Variants in WNT7A observed in about 807,000 individuals in gnomAD.
The protein encoded by WNT7A is protein Wnt-7a.
In WNT7A, 16 loss-of-function variants were observed where a neutral mutation model predicts 28.2. The ratio of observed to expected loss-of-function variants is 0.57; its 90% CI spans 0.38 to 0.86. WNT7A has a LOEUF of 0.86. Ranked by LOEUF, WNT7A falls within the 40% of genes least tolerant of loss-of-function variation. The pLI is 0.00. For missense variants in WNT7A, 411 were observed against 489.7 expected (o/e 0.84, Z 1.52); for synonymous variants, 190 against 195.9 (o/e 0.97, Z 0.25).
At chr3:13,862,545 C>G (rs889806219) in intron 2 of WNT7A, among the ~76,000 whole-genome samples, 24 of 152,242 alleles carry the variant, frequency 1.6e-4, no homozygotes. Flanking sequence ...GTTGCGCTTG[C>G]CAGCCCCGTG....
chr3:13,860,736 C>T (rs1694815681), intron 2 of WNT7A, among the ~76,000 whole-genome samples: 1 of 152,178 alleles, frequency 6.6e-6, no homozygotes. Flanking sequence ...GCTCCGAGAA[C>T]AGCCCTTCTC....
chr3:13,822,880 C>T (rs1403699704), intron 3 of WNT7A, among the ~76,000 whole-genome samples: 1 of 152,210 alleles, frequency 6.6e-6, no homozygotes, highest in Non-Finnish European at 1.5e-5. Flanking sequence ...CAGAAAATGG[C>T]TCCTGTGTCC....
chr3:13,835,144 C>T lies in WNT7A; in HGVS notation c.571-15721G>A, dbSNP rs182543095. Among the ~76,000 whole-genome samples the T allele has an allele frequency of 3.8e-3, 572 of 152,260 alleles. 10 individuals are homozygous for T. The highest frequency in any genetic ancestry group is 0.034 in the Admixed American group (515 of 15,292). ...AAGGAAGCAGGGAGCAGTCAGGAAA[C>T]AGGAAGGAGGGCAGTGGGCCAGGCT... is the stretch of plus-strand genomic sequence containing the variant. On this transcript the variant is annotated intron_variant, in intron 3 of 3. Transcript: ENST00000285018.
intron 2 of WNT7A, among the ~76,000 whole-genome samples, chr3:13,867,648 G>A (rs1050917655): frequency 6.6e-6 from 1 of 152,064 alleles, no homozygotes; most frequent in Non-Finnish European, 1.5e-5. Flanking sequence ...TCACCCTGAG[G>A]AGCCCACTCA....
At chr3:13,854,442 C>T (rs1694692475) in intron 3 of WNT7A, 90 bp downstream of exon 3, 2 of 1,601,844 alleles carry the variant, frequency 1.2e-6, no homozygotes, top group African/African-American at 1.3e-5. Context: ...CCTGTGGCTC[C>T]TCAACAGACA....
At chr3:13,834,660 G>C (rs1189502825) in intron 3 of WNT7A, among the ~76,000 whole-genome samples, 1 of 152,012 alleles carries the variant, frequency 6.6e-6, no homozygotes, top group Non-Finnish European at 1.5e-5. Flanking sequence ...TTCTGCCTTG[G>C]GGTACTCTTC....
At chr3:13,868,953 T>TGGAA (rs149196531) in intron 2 of WNT7A, among the ~76,000 whole-genome samples, 2 of 67,732 alleles carry the variant, frequency 3.0e-5, no homozygotes, top group Admixed American at 1.8e-4. Flanking sequence ...AGAGAGAGAA[T>TGGAA]GGAAGGAAGG....
At chr3:13,857,442 C>T (rs1694763617) in intron 2 of WNT7A, among the ~76,000 whole-genome samples, 2 of 152,128 alleles carry the variant, frequency 1.3e-5, no homozygotes, top group Admixed American at 1.3e-4. Flanking sequence ...CACCCTCCAG[C>T]AAAGCTAGAC....
At chr3:13,853,399 C>T (rs1252888797) in intron 3 of WNT7A, among the ~76,000 whole-genome samples, 3 of 152,214 alleles carry the variant, frequency 2.0e-5, no homozygotes, top group African/African-American at 4.8e-5. Context: ...CAAGGCTGCA[C>T]TCTTCGGCCC....
chr3:13,836,248 C>A (rs898818548), intron 3 of WNT7A, among the ~76,000 whole-genome samples: 1 of 151,840 alleles, frequency 6.6e-6, no homozygotes, highest in Non-Finnish European at 1.5e-5. Context: ...GGCCAGTGTC[C>A]CTAGGAACTT....
At chr3:13,852,188 C>A (rs1575067944) in intron 3 of WNT7A, among the ~76,000 whole-genome samples, 1 of 152,250 alleles carries the variant, frequency 6.6e-6, no homozygotes, top group African/African-American at 2.4e-5. Flanking sequence ...CTGCAGAAGC[C>A]ACATGGTGCA....
chr3:13,868,396 G>A (rs1388507702), intron 2 of WNT7A, among the ~76,000 whole-genome samples: 6 of 151,572 alleles, frequency 4.0e-5, no homozygotes. Context: ...GATTGCTTGA[G>A]CCCAGGAGGT....
chr3:13,853,404 C>T (rs564931125), intron 3 of WNT7A, among the ~76,000 whole-genome samples: 8 of 152,328 alleles, frequency 5.3e-5, no homozygotes, highest in South Asian at 2.1e-4. Flanking sequence ...CTGCACTCTT[C>T]GGCCCCAACC....
intron 3 of WNT7A, among the ~76,000 whole-genome samples, chr3:13,838,494 C>T (rs1040748571): frequency 3.9e-5 from 6 of 152,218 alleles, no homozygotes; most frequent in African/African-American, 1.4e-4. Flanking sequence ...ACCACTTAAC[C>T]TCTCTGAGCC....
intron 3 of WNT7A, among the ~76,000 whole-genome samples, chr3:13,848,765 TCA>T (rs374318229): frequency 6.6e-6 from 1 of 152,166 alleles, no homozygotes; most frequent in African/African-American, 2.4e-5. Context: ...AACCTTACAT[TCA>T]CACACACAAA....
At chr3:13,849,527 G>A (rs554588254) in intron 3 of WNT7A, among the ~76,000 whole-genome samples, 86 of 152,240 alleles carry the variant, frequency 5.6e-4, no homozygotes, top group Admixed American at 5.9e-4. Context: ...GAGCACTTAC[G>A]ATGCGCCAGG....
intron 2 of WNT7A, among the ~76,000 whole-genome samples, chr3:13,857,227 A>G (rs923752265): frequency 2.0e-5 from 3 of 152,202 alleles, no homozygotes; most frequent in Non-Finnish European, 4.4e-5. Flanking sequence ...CAGGTTGAAG[A>G]CAGAACTGCC....
At position 13,816,321 on chromosome 3, in the gene WNT7A, C is replaced by A. The variant is rs1451719780; in HGVS notation, c.*2623G>T. Reference sequence around the variant, plus strand: ...ATTACTGGGAGGATCCTCACAACAGCCCTGTGAGGTAGGTGTTATTCTGAT... The same window carrying A: ...ATTACTGGGAGGATCCTCACAACAGACCTGTGAGGTAGGTGTTATTCTGAT... On this transcript the variant is annotated 3_prime_UTR_variant, in exon 4 of 4. Transcript: ENST00000285018. 6.6e-6 allele frequency: 1 copy of A among 152,168 alleles called. No homozygotes were observed. Among genetic ancestry groups the A allele is most frequent in the African/African-American group, 2.4e-5 (1 of 41,430 alleles). The allele number at this position is 152,168 out of a possible 1,614,324, so 9.4% of individuals were successfully genotyped here. A position where few individuals can be genotyped will look rare whatever the true frequency, so the allele number is the denominator to read the frequency against.
intron 3 of WNT7A, among the ~76,000 whole-genome samples, chr3:13,853,345 A>C (rs1247949840): frequency 6.6e-6 from 1 of 152,216 alleles, no homozygotes; most frequent in Admixed American, 6.5e-5. Flanking sequence ...TGAAACCTGA[A>C]GGACAAGGAC....
Sources: allele counts gnomAD v4.1 joint callset (sites outside exome capture counted in the v4.1 genomes callset), GRCh38; gene constraint gnomAD v4.1.1; transcripts MANE v1.5; gene names NCBI Gene and HGNC (gene_info 2026-07-23, HGNC 2026-07-21).